The following RGS6 variants were observed in gnomAD, a reference collection of about 807,000 sequenced individuals.
The protein encoded by RGS6 is regulator of G protein signaling 6.
Under a neutral mutation model 78.5 loss-of-function variants are expected in RGS6, and 30 were observed. That is an observed-to-expected ratio of 0.38 (90% CI 0.29 to 0.52). RGS6 has a LOEUF of 0.52. RGS6 is among the 20% of genes least tolerant of loss of function. RGS6 has a pLI of 0.85. For synonymous variants in RGS6, 206 were observed against 206.0 expected (o/e 1.00, Z 0.00); for missense variants, 495 against 609.7 (o/e 0.81, Z 1.98).
At chr14:72,596,454 C>T in the RGS6 span, among the ~76,000 whole-genome samples, 1 of 152,210 alleles carries the variant, frequency 6.6e-6, no homozygotes, top group African/African-American at 2.4e-5. Context: ...CATCATGAAA[C>T]ATCACACGTT....
intron 12 of RGS6, among the ~76,000 whole-genome samples, chr14:72,487,460 A>G (rs2096508720): frequency 6.6e-6 from 1 of 152,258 alleles, no homozygotes; most frequent in African/African-American, 2.4e-5. Context: ...TTCAGGTTGC[A>G]GGTGGACTTA....
At chr14:72,385,979 C>A (rs756304973) in intron 3 of RGS6, among the ~76,000 whole-genome samples, 1 of 152,044 alleles carries the variant, frequency 6.6e-6, no homozygotes, top group Non-Finnish European at 1.5e-5. Flanking sequence ...AAGGAGAACA[C>A]GTTCTTGCTG....
At chr14:71,949,846 G>A (rs551892203) in intron 1 of RGS6, among the ~76,000 whole-genome samples, 1 of 146,134 alleles carries the variant, frequency 6.8e-6, no homozygotes, top group South Asian at 2.2e-4. Flanking sequence ...GTGGATGATT[G>A]TTGTTTGTGG....
chr14:71,925,351 G>A, the RGS6 span, among the ~76,000 whole-genome samples: 44 of 152,112 alleles, frequency 2.9e-4, no homozygotes, highest in Admixed American at 1.4e-3. Flanking sequence ...CTCCCATTCC[G>A]TAGGTTGCCT....
chr14:71,989,776 C>T (rs966562638), intron 2 of RGS6, among the ~76,000 whole-genome samples: 5 of 152,180 alleles, frequency 3.3e-5, no homozygotes, highest in Non-Finnish European at 7.3e-5. Flanking sequence ...CTCAGGTCAT[C>T]AACTGACCTC....
At chr14:71,954,312 C>T (rs949219338) in intron 1 of RGS6, among the ~76,000 whole-genome samples, 2 of 151,742 alleles carry the variant, frequency 1.3e-5, no homozygotes, top group Non-Finnish European at 2.9e-5. Context: ...TATGTTACAG[C>T]TTTTTATATT....
At chr14:72,267,585 C>A (rs913525993) in intron 2 of RGS6, among the ~76,000 whole-genome samples, 1 of 152,180 alleles carries the variant, frequency 6.6e-6, no homozygotes, top group Non-Finnish European at 1.5e-5. Flanking sequence ...GCAAAGAGAA[C>A]AGAAAGTATA....
intron 2 of RGS6, among the ~76,000 whole-genome samples, chr14:72,060,678 C>T (rs2093849644): frequency 6.6e-6 from 1 of 152,294 alleles, no homozygotes; most frequent in Admixed American, 6.5e-5. Context: ...CACCAAGTGC[C>T]TACAAAATTA....
chr14:72,206,468 T>TTG (rs368382203), intron 2 of RGS6, among the ~76,000 whole-genome samples: 27 of 151,920 alleles, frequency 1.8e-4, no homozygotes, highest in South Asian at 1.0e-3. Flanking sequence ...ATGCACAATA[T>TTG]TGTGTGTGTG....
At chr14:72,584,751 A>T in the RGS6 span, among the ~76,000 whole-genome samples, 1 of 152,200 alleles carries the variant, frequency 6.6e-6, no homozygotes, top group Non-Finnish European at 1.5e-5. Flanking sequence ...AACATTTACC[A>T]TTAGGATGCT....
At chr14:72,359,499 G>T (rs1331725006) in intron 3 of RGS6, among the ~76,000 whole-genome samples, 1 of 152,156 alleles carries the variant, frequency 6.6e-6, no homozygotes, top group Admixed American at 6.5e-5. Flanking sequence ...CCAGTATGTG[G>T]ATTTGGATTT....
At chr14:72,362,505 G>T (rs2081641284) in intron 3 of RGS6, among the ~76,000 whole-genome samples, 2 of 152,174 alleles carry the variant, frequency 1.3e-5, no homozygotes, top group Non-Finnish European at 2.9e-5. Context: ...AGGCTGGAGG[G>T]TCTACAGTGG....
At chr14:72,059,270 C>T (rs66562860) in intron 2 of RGS6, among the ~76,000 whole-genome samples, 47,893 of 152,022 alleles carry the variant, frequency 0.32, 7,952 homozygotes, top group South Asian at 0.42. Context: ...TTTTTCAGCT[C>T]TTACAATGCC....
intron 2 of RGS6, among the ~76,000 whole-genome samples, chr14:72,281,691 G>A (rs2061611161): frequency 6.6e-6 from 1 of 152,168 alleles, no homozygotes; most frequent in Admixed American, 6.5e-5. Context: ...CTGAAAATCT[G>A]GAGGAAGCCC....
At chr14:72,223,173 T>A (rs1280829424) in intron 2 of RGS6, among the ~76,000 whole-genome samples, 1 of 152,170 alleles carries the variant, frequency 6.6e-6, no homozygotes, top group Non-Finnish European at 1.5e-5. Context: ...GATCAGTCTG[T>A]AAGCCCTAAA....
chr14:72,223,372 G>A (rs919305088), intron 2 of RGS6, among the ~76,000 whole-genome samples: 1 of 152,138 alleles, frequency 6.6e-6, no homozygotes, highest in East Asian at 1.9e-4. Context: ...CCTTAGTTGG[G>A]TCTTGATCAC....
intron 3 of RGS6, among the ~76,000 whole-genome samples, chr14:72,431,544 A>ATTTTATTTTC (rs1264537457): frequency 6.6e-6 from 1 of 150,778 alleles, no homozygotes. Context: ...ATTTTATTTT[A>ATTTTATTTTC]TTTTATTTTA....
intron 10 of RGS6, among the ~76,000 whole-genome samples, 170 bp downstream of exon 10, chr14:72,474,869 C>T (rs565149216): frequency 1.3e-5 from 2 of 152,322 alleles, no homozygotes; most frequent in Non-Finnish European, 2.9e-5. Context: ...GCGCTGTGCT[C>T]GTGCTAGGAT....
rs191187096 is a variant in RGS6 at position 72,235,516 on chromosome 14, A to T, written c.85-116579A>T. Among the ~76,000 whole-genome samples, 4 of 152,366 alleles carry T rather than the reference A, an allele frequency of 2.6e-5. No individual in the cohort carries two copies. In the East Asian group the frequency reaches 7.7e-4, roughly 29 times the overall value. The stretch of plus-strand genomic sequence containing the variant: ...GATAATATCTGGAGCTGGACAAATC[A>T]TGTATAATCTACTTCCTTTATCATT... On this transcript the variant is annotated intron_variant, in intron 2 of 17. Coordinates refer to ENST00000553525, the MANE Select transcript of RGS6 (RefSeq NM_001204424.2).
Sources: gnomAD v4.1 joint callset for allele counts (sites outside exome capture counted in the v4.1 genomes callset) on GRCh38, gnomAD v4.1.1 for gene constraint, MANE v1.5 for transcripts, NCBI Gene and HGNC (gene_info 2026-07-23, HGNC 2026-07-21) for gene names.